GALNT13: variants seen among roughly 807,000 people sequenced by gnomAD.
GALNT13 encodes the protein UDP-GalNAc:polypeptide N-acetylgalactosaminyltransferase 13.
A neutral mutation model predicts 64.2 loss-of-function variants in GALNT13; 28 were observed. That is an observed-to-expected ratio of 0.44 (90% CI 0.32 to 0.60). The LOEUF is 0.60. Ranked by LOEUF, GALNT13 falls within the 20% of genes least tolerant of loss-of-function variation. GALNT13 has a pLI of 0.05. For missense variants in GALNT13, 577 were observed against 669.8 expected, an observed-to-expected ratio of 0.86 and a Z score of 1.53; for synonymous variants, 214 against 224.6, an observed-to-expected ratio of 0.95 and a Z score of 0.42.
intron 3 of GALNT13, among the ~76,000 whole-genome samples, chr2:154,021,708 G>C (rs1330594658): frequency 6.6e-6 from 1 of 151,606 alleles, no homozygotes; most frequent in African/African-American, 2.4e-5. Context: ...TCTCCTGCCT[G>C]ATTGCCCTGG....
At chr2:154,184,069 T>A (rs1311981843) in intron 4 of GALNT13, among the ~76,000 whole-genome samples, 1 of 151,770 alleles carries the variant, frequency 6.6e-6, no homozygotes, top group Non-Finnish European at 1.5e-5. Flanking sequence ...ATATATTATT[T>A]GAATTTATAA....
chr2:153,673,130 C>T, the GALNT13 span, among the ~76,000 whole-genome samples: 52 of 152,220 alleles, frequency 3.4e-4, no homozygotes, highest in Non-Finnish European at 6.0e-4. Context: ...ACCAGAGATA[C>T]AAAGATGAGC....
chr2:153,505,380 T>C, the GALNT13 span, among the ~76,000 whole-genome samples: 1 of 152,180 alleles, frequency 6.6e-6, no homozygotes, highest in Non-Finnish European at 1.5e-5. Context: ...CATTTAATTC[T>C]CTGCTCTGAT....
chr2:153,509,669 T>C, the GALNT13 span, among the ~76,000 whole-genome samples: 8 of 152,204 alleles, frequency 5.3e-5, no homozygotes, highest in African/African-American at 1.9e-4. Context: ...ACTCTCTGTG[T>C]ATGTGTGTGA....
intron 3 of GALNT13, among the ~76,000 whole-genome samples, chr2:154,049,196 T>A (rs1263229183): frequency 6.6e-6 from 1 of 151,968 alleles, no homozygotes; most frequent in African/African-American, 2.4e-5. Flanking sequence ...GATACACTGA[T>A]ACACTGATCA....
chr2:153,533,211 G>A, the GALNT13 span, among the ~76,000 whole-genome samples: 1 of 152,036 alleles, frequency 6.6e-6, no homozygotes, highest in African/African-American at 2.4e-5. Flanking sequence ...CCTAGGTGTA[G>A]TTGGTCTTTT....
chr2:153,855,581 C>T, the GALNT13 span, among the ~76,000 whole-genome samples: 1 of 152,138 alleles, frequency 6.6e-6, no homozygotes, highest in Non-Finnish European at 1.5e-5. Flanking sequence ...ATCAAAAGGA[C>T]ATCATAAGTA....
chr2:153,526,150 C>T, the GALNT13 span, among the ~76,000 whole-genome samples: 10 of 152,278 alleles, frequency 6.6e-5, no homozygotes, highest in Admixed American at 6.5e-4. Context: ...GTGAAGGACA[C>T]AGGCCTGGCT....
intron 3 of GALNT13, among the ~76,000 whole-genome samples, chr2:154,075,922 T>C (rs1438683223): frequency 6.6e-6 from 1 of 151,680 alleles, no homozygotes; most frequent in African/African-American, 2.4e-5. Flanking sequence ...TACATATATA[T>C]ACATATACAT....
At chr2:154,010,937 A>C (rs985453371) in intron 3 of GALNT13, among the ~76,000 whole-genome samples, 1 of 151,832 alleles carries the variant, frequency 6.6e-6, no homozygotes, top group African/African-American at 2.4e-5. Flanking sequence ...CTATGGGGTC[A>C]GTGATAATGT....
chr2:153,210,967 TGC>T, the GALNT13 span, among the ~76,000 whole-genome samples: 1 of 152,112 alleles, frequency 6.6e-6, no homozygotes, highest in Non-Finnish European at 1.5e-5. Flanking sequence ...TTTGAACCTA[TGC>T]TGTACAGAAA....
chr2:154,000,434 G>T (rs1350874106), intron 3 of GALNT13, among the ~76,000 whole-genome samples: 1 of 151,766 alleles, frequency 6.6e-6, no homozygotes, highest in Non-Finnish European at 1.5e-5. Flanking sequence ...TTTTGATGTA[G>T]AATTATGTTG....
rs188706376 is a variant in GALNT13, at chr2:154,119,749, T to C, written c.143-20588T>C. On this transcript the variant is annotated intron_variant, in intron 3 of 12. Coordinates refer to ENST00000392825, the MANE Select transcript of GALNT13 (RefSeq NM_052917.4). ...TGAGTTTTTCAGTTCTGGTGTATTT[T>C]TTATCTCTAGGATTCCTATCTGATT... 2.1e-4 allele frequency among the ~76,000 whole-genome samples: 32 copies of C among 152,318 alleles called. No individual in the cohort carries two copies. In the East Asian group the frequency reaches 5.8e-3, roughly 28 times the overall value.
At chr2:153,093,237 T>TTC in the GALNT13 span, among the ~76,000 whole-genome samples, 2 of 33,576 alleles carry the variant, frequency 6.0e-5, no homozygotes, top group South Asian at 1.5e-3. Context: ...TTTTCTTTTC[T>TTC]TTTCTTTTTT....
intron 3 of GALNT13, among the ~76,000 whole-genome samples, chr2:154,099,162 A>T (rs1702221487): frequency 6.6e-6 from 1 of 152,106 alleles, no homozygotes; most frequent in African/African-American, 2.4e-5. Context: ...GCATTTGTCT[A>T]ACAATTAGTG....
the GALNT13 span, among the ~76,000 whole-genome samples, chr2:153,837,500 G>A: frequency 2.6e-5 from 4 of 152,102 alleles, no homozygotes; most frequent in South Asian, 4.1e-4. Flanking sequence ...CTGAGATTAT[G>A]CAGTATTTGC....
the GALNT13 span, among the ~76,000 whole-genome samples, chr2:153,315,704 T>C: frequency 6.6e-6 from 1 of 152,220 alleles, no homozygotes; most frequent in East Asian, 1.9e-4. Flanking sequence ...TTAACATTCA[T>C]GGAACACTAA....
chr2:153,071,569 C>T, the GALNT13 span, among the ~76,000 whole-genome samples: 1 of 152,174 alleles, frequency 6.6e-6, no homozygotes, highest in East Asian at 1.9e-4. Context: ...ATCTCAGAGA[C>T]TAACTCTATT....
At chr2:153,904,676 C>T (rs376679038) in intron 2 of GALNT13, among the ~76,000 whole-genome samples, 2 of 151,786 alleles carry the variant, frequency 1.3e-5, no homozygotes, top group African/African-American at 2.4e-5. Flanking sequence ...AAGTTAGTTA[C>T]ACTAGATTAA....
Sources: allele counts gnomAD v4.1 joint callset (sites outside exome capture counted in the v4.1 genomes callset), GRCh38; gene constraint gnomAD v4.1.1; transcripts MANE v1.5; gene names NCBI Gene and HGNC (gene_info 2026-07-23, HGNC 2026-07-21).